The following ERCC6L2 variants were observed in gnomAD, a reference collection of about 807,000 sequenced individuals.
The protein encoded by ERCC6L2 is DNA excision repair protein ERCC-6-like 2.
ERCC6L2 carries 77 observed loss-of-function variants against 132.0 expected under a neutral mutation model. The observed-to-expected ratio is 0.58, with a 90% CI of 0.49 to 0.71. The LOEUF (loss-of-function observed/expected upper bound fraction) is 0.71, where lower values mean the gene tolerates loss of function less well. ERCC6L2 is among the 30% of genes least tolerant of loss of function. The probability of loss-of-function intolerance (pLI) is 0.00; values close to 1 mark genes in which losing one functional copy is unlikely to be tolerated. For missense variants in ERCC6L2, 1,542 were observed against 1,837.6 expected, an observed-to-expected ratio of 0.84 and a Z score of 2.94; for synonymous variants, 583 against 632.4, an observed-to-expected ratio of 0.92 and a Z score of 1.17.
chr9:95,911,836 A>C (rs1305211191), intron 4 of ERCC6L2, among the ~76,000 whole-genome samples: 1 of 152,142 alleles, frequency 6.6e-6, no homozygotes, highest in African/African-American at 2.4e-5. Context: ...TTAGTGAAAA[A>C]CTGCAGTTCA....
intron 17 of ERCC6L2, among the ~76,000 whole-genome samples, chr9:95,981,412 A>G (rs1260122886): frequency 6.6e-6 from 1 of 152,232 alleles, no homozygotes; most frequent in Non-Finnish European, 1.5e-5. Flanking sequence ...AATTTTATAA[A>G]TTAACTTCAT....
At chr9:95,976,085 A>G (rs1832658426) in intron 16 of ERCC6L2, among the ~76,000 whole-genome samples, 1 of 152,028 alleles carries the variant, frequency 6.6e-6, no homozygotes, top group Non-Finnish European at 1.5e-5. Context: ...GGTCATTTTT[A>G]TATGAAATTA....
intron 12 of ERCC6L2, among the ~76,000 whole-genome samples, chr9:95,944,074 A>T (rs184572155): frequency 5.1e-4 from 78 of 152,318 alleles, no homozygotes; most frequent in Non-Finnish European, 8.4e-4. Context: ...TTGTACACTC[A>T]TGTTCATAGC....
chr9:95,940,189 C>T (rs867864353), intron 11 of ERCC6L2, among the ~76,000 whole-genome samples: 1 of 152,174 alleles, frequency 6.6e-6, no homozygotes, highest in Non-Finnish European at 1.5e-5. Flanking sequence ...CTAGCATCCT[C>T]ATTCAGCCTT....
chr9:95,958,707 A>G (rs1006685120), intron 13 of ERCC6L2, among the ~76,000 whole-genome samples: 1 of 152,174 alleles, frequency 6.6e-6, no homozygotes, highest in African/African-American at 2.4e-5. Flanking sequence ...ATGTACAAAA[A>G]TCACAAGCAT....
intron 13 of ERCC6L2, among the ~76,000 whole-genome samples, chr9:95,960,471 A>G (rs947116977): frequency 6.6e-6 from 1 of 152,190 alleles, no homozygotes; most frequent in Non-Finnish European, 1.5e-5. Context: ...TGGATTATCC[A>G]CAAGTGTCCT....
At chr9:95,936,811 A>G (rs2132848980) in intron 11 of ERCC6L2, among the ~76,000 whole-genome samples, 1 of 152,230 alleles carries the variant, frequency 6.6e-6, no homozygotes, top group Non-Finnish European at 1.5e-5. Context: ...GAAACCACTA[A>G]TCTGTTCTCC....
intron 20 of ERCC6L2, among the ~76,000 whole-genome samples, chr9:96,040,106 G>A (rs1834561631): frequency 6.6e-6 from 1 of 151,784 alleles, no homozygotes; most frequent in Non-Finnish European, 1.5e-5. Context: ...GAGAGCAAAG[G>A]TAGAGAAGCC....
chr9:95,934,402 A>G lies in ERCC6L2; in HGVS notation c.1751+5538A>G, dbSNP rs541176405. Among the ~76,000 whole-genome samples, 4 of 145,588 alleles carry G rather than the reference A, an allele frequency of 2.7e-5. No homozygotes were observed. The South Asian group carries it at 9.4e-4, about 34-fold the overall frequency. Reference sequence around the variant, plus strand: ...AAGTTTCCTTTAGAAATTTTATTCCAAAAGAAATAAGTAGTATGCTGATAG... The same window carrying G: ...AAGTTTCCTTTAGAAATTTTATTCCGAAAGAAATAAGTAGTATGCTGATAG... On this transcript the variant is annotated intron_variant, in intron 11 of 18. Transcript: ENST00000653738.
chr9:95,884,166 G>A (rs1247506650), intron 2 of ERCC6L2, among the ~76,000 whole-genome samples: 1 of 152,156 alleles, frequency 6.6e-6, no homozygotes, highest in Non-Finnish European at 1.5e-5. Flanking sequence ...GTCTTTGAGG[G>A]AGTACCGTCT....
intron 17 of ERCC6L2, among the ~76,000 whole-genome samples, chr9:95,983,916 C>T (rs1332829660): frequency 1.3e-5 from 2 of 152,138 alleles, no homozygotes; most frequent in Non-Finnish European, 2.9e-5. Flanking sequence ...GCTTTTCCCT[C>T]AATTCCTTTG....
At chr9:95,975,167 T>C (rs756961741) in intron 16 of ERCC6L2, among the ~76,000 whole-genome samples, 30 of 152,188 alleles carry the variant, frequency 2.0e-4, no homozygotes, top group Non-Finnish European at 7.3e-5. Flanking sequence ...CATTGTATAC[T>C]ACTCCCCTCT....
In ERCC6L2 at chr9:95,972,491, T is replaced by C. The variant is rs1163801776; in HGVS notation, c.2740T>C (p.Phe914Leu). The change falls in exon 16 of 19, where the codon TTC (phenylalanine) becomes CTC (leucine). Residue 914 changes from phenylalanine to leucine, a missense_variant. By Grantham distance (22) the Phe-to-Leu change is conservative (BLOSUM62 0). This residue lies in a region of ERCC6L2 where 945 missense variants were observed against 1,105.2 expected (regional missense o/e 0.86). Coordinates refer to ENST00000653738, the MANE Select transcript of ERCC6L2 (RefSeq NM_020207.7). ...ICPTQYTTER[F>L]PDNSIRFKPP... is the part of the protein sequence containing the mutation. ...TCCTACACAATACACAACTGAGAGA[T>C]TCCCCGACAATAGTATAAGGTTTAA... is the stretch of plus-strand genomic sequence containing the variant. 7.8e-7 allele frequency: 1 copy of C among 1,289,542 alleles called. No individual in the cohort carries two copies. Among genetic ancestry groups the C allele is most frequent in the Non-Finnish European group, 1.0e-6 (1 of 988,716 alleles). The allele number at this position is 1,289,542 out of a possible 1,614,324, so 79.9% of individuals were successfully genotyped here. A position where few individuals can be genotyped will look rare whatever the true frequency, so the allele number is the denominator to read the frequency against.
At chr9:96,032,783 A>G (rs1458997986) in intron 19 of ERCC6L2, among the ~76,000 whole-genome samples, 2 of 152,218 alleles carry the variant, frequency 1.3e-5, no homozygotes, top group African/African-American at 4.8e-5. Context: ...AACCCCACCT[A>G]GCACCTCATG....
intron 12 of ERCC6L2, among the ~76,000 whole-genome samples, chr9:95,944,378 G>A (rs537092438): frequency 6.6e-6 from 1 of 152,228 alleles, no homozygotes; most frequent in South Asian, 2.1e-4. Flanking sequence ...GGGAGGAATG[G>A]GGAATTATTG....
intron 17 of ERCC6L2, among the ~76,000 whole-genome samples, chr9:95,981,843 A>G (rs1832905964): frequency 6.6e-6 from 1 of 152,148 alleles, no homozygotes; most frequent in Non-Finnish European, 1.5e-5. Flanking sequence ...GTACAAAGAC[A>G]GCCTTCAATT....
At position 95,912,182 on chromosome 9, in the gene ERCC6L2, T is replaced by C. The variant is rs528609381; in HGVS notation, c.789-3486T>C. 4.6e-5 allele frequency among the ~76,000 whole-genome samples: 7 copies of C among 152,304 alleles called. No homozygotes were observed. In the East Asian group the frequency reaches 1.3e-3, roughly 29 times the overall value. On this transcript the variant is annotated intron_variant, in intron 4 of 18. Transcript: ENST00000653738. ...TAGATTGCTTCTTGGCTTTTTCCAC[T>C]ATTGGCATAGGACACTAGTCTCTGC...
At chr9:95,898,743 A>G (rs894101724) in intron 3 of ERCC6L2, among the ~76,000 whole-genome samples, 3 of 152,204 alleles carry the variant, frequency 2.0e-5, no homozygotes, top group African/African-American at 7.2e-5. Flanking sequence ...ACTTACAGCA[A>G]GTTTTAAAAC....
chr9:95,933,592 C>A (rs886840341), intron 11 of ERCC6L2, among the ~76,000 whole-genome samples: 1 of 152,144 alleles, frequency 6.6e-6, no homozygotes, highest in African/African-American at 2.4e-5. Context: ...CGCGTGTATT[C>A]CCAGCACTTT....
Sources: allele counts gnomAD v4.1 joint callset (sites outside exome capture counted in the v4.1 genomes callset), GRCh38; gene constraint gnomAD v4.1.1; regional missense constraint gnomAD v4.1.1; transcripts MANE v1.5; gene names NCBI Gene and HGNC (gene_info 2026-07-23, HGNC 2026-07-21).